CDK14: variants seen among roughly 807,000 people sequenced by gnomAD.
CDK14 encodes the protein cyclin-dependent kinase 14.
CDK14 carries 34 observed loss-of-function variants against 60.7 expected under a neutral mutation model. That is an observed-to-expected ratio of 0.56 (90% CI 0.43 to 0.75). The LOEUF is 0.75. Ranked by LOEUF, CDK14 falls within the 30% of genes least tolerant of loss-of-function variation. The probability of loss-of-function intolerance (pLI) is 0.00; values close to 1 mark genes in which losing one functional copy is unlikely to be tolerated. For synonymous variants in CDK14, 197 were observed against 203.7 expected (o/e 0.97, Z 0.28); for missense variants, 482 against 564.1 (o/e 0.85, Z 1.47).
intron 8 of CDK14, among the ~76,000 whole-genome samples, chr7:90,923,143 C>G (rs1236845781): frequency 2.2e-5 from 3 of 137,112 alleles, no homozygotes; most frequent in Non-Finnish European, 4.6e-5. Flanking sequence ...GAGTCTTGCT[C>G]TGTCACCCAG....
At chr7:91,202,857 G>A (rs1756617084) in intron 14 of CDK14, among the ~76,000 whole-genome samples, 1 of 152,248 alleles carries the variant, frequency 6.6e-6, no homozygotes, top group African/African-American at 2.4e-5. Flanking sequence ...TGTGTTCACT[G>A]TTTATTATCC....
At chr7:90,816,092 A>G (rs932255426) in intron 5 of CDK14, among the ~76,000 whole-genome samples, 1 of 152,240 alleles carries the variant, frequency 6.6e-6, no homozygotes, top group African/African-American at 2.4e-5. Flanking sequence ...TTTTAAAAAA[A>G]GGGCCATAGT....
At chr7:90,942,415 ATGGGT>A (rs1331224116) in intron 8 of CDK14, among the ~76,000 whole-genome samples, 3 of 152,188 alleles carry the variant, frequency 2.0e-5, no homozygotes, top group South Asian at 4.1e-4. Flanking sequence ...AGAAGAAGAA[ATGGGT>A]TGAGAAATTT....
At chr7:90,636,978 A>G (rs985522524) in intron 2 of CDK14, among the ~76,000 whole-genome samples, 31 of 151,130 alleles carry the variant, frequency 2.1e-4, no homozygotes, top group African/African-American at 6.1e-4. Flanking sequence ...ATCGGTGGTG[A>G]TATCCCCTTT....
intron 9 of CDK14, among the ~76,000 whole-genome samples, chr7:90,960,234 A>G (rs1046545245): frequency 6.6e-6 from 1 of 152,188 alleles, no homozygotes; most frequent in Admixed American, 6.6e-5. Flanking sequence ...TGATTATCTC[A>G]TCAAGACCAC....
chr7:90,758,120 A>G (rs1804158998), intron 4 of CDK14, among the ~76,000 whole-genome samples: 1 of 152,236 alleles, frequency 6.6e-6, no homozygotes, highest in Admixed American at 6.5e-5. Flanking sequence ...CCCTGTTCAC[A>G]TCAACATACA....
At position 90,619,649 on chromosome 7, in the gene CDK14, C is replaced by T. The variant is rs183226228; in HGVS notation, c.123+15400C>T. 2.0e-5 allele frequency among the ~76,000 whole-genome samples: 3 copies of T among 152,050 alleles called. No individual in the cohort carries two copies. In the East Asian group the frequency reaches 5.8e-4, roughly 29 times the overall value. ...AAGCTTGCTGTGTGAGAGAACTGAC[C>T]GTTATGTTTAATTATTTGAAGGCTG... On this transcript the variant is annotated intron_variant, in intron 2 of 14. Transcript: ENST00000380050.
At chr7:90,814,391 A>G (rs1789264818) in intron 5 of CDK14, among the ~76,000 whole-genome samples, 1 of 152,196 alleles carries the variant, frequency 6.6e-6, no homozygotes, top group Non-Finnish European at 1.5e-5. Context: ...TTTTTTAAAA[A>G]AATTATCATT....
intron 4 of CDK14, among the ~76,000 whole-genome samples, chr7:90,790,101 CTT>C (rs35790878): frequency 2.8e-5 from 4 of 143,228 alleles, no homozygotes; most frequent in Admixed American, 7.0e-5. Context: ...GAATTTTTTC[CTT>C]TTTTTTTTTT....
intron 5 of CDK14, among the ~76,000 whole-genome samples, chr7:90,808,457 C>G (rs1788950827): frequency 6.6e-6 from 1 of 152,286 alleles, no homozygotes; most frequent in South Asian, 2.1e-4. Flanking sequence ...ACAAGAGACC[C>G]TGAAGGAAGC....
rs537850706 is a variant in CDK14, at chr7:90,991,722, A to G, written c.1041+7481A>G. ...CCCAAAAGTGTAAGAGTCAACACAG[A>G]AAACACACATGGGTTTATTAAGAAA... On this transcript the variant is annotated intron_variant, in intron 10 of 14. Coordinates refer to ENST00000380050, the MANE Select transcript of CDK14 (RefSeq NM_001287135.2). Among the ~76,000 whole-genome samples, 22 of 152,302 alleles carry G rather than the reference A, an allele frequency of 1.4e-4. No homozygotes were observed. In the South Asian group the frequency reaches 4.4e-3, roughly 30 times the overall value.
intron 10 of CDK14, among the ~76,000 whole-genome samples, chr7:91,026,841 C>CCAAA (rs1715781832): frequency 6.6e-6 from 1 of 152,122 alleles, no homozygotes; most frequent in Admixed American, 6.5e-5. Context: ...AATTCCCTGC[C>CCAAA]CAAACTATTA....
chr7:90,997,057 T>G (rs1196148200), intron 10 of CDK14, among the ~76,000 whole-genome samples: 1 of 152,242 alleles, frequency 6.6e-6, no homozygotes, highest in Non-Finnish European at 1.5e-5. Flanking sequence ...TCAAAATATA[T>G]GAAATGTTCC....
At chr7:90,728,211 G>A (rs527324599) in intron 3 of CDK14, among the ~76,000 whole-genome samples, 2 of 151,686 alleles carry the variant, frequency 1.3e-5, no homozygotes, top group African/African-American at 4.8e-5. Context: ...TTCATCCCTG[G>A]TGTCATCCTT....
At chr7:91,177,779 A>T (rs1379883008) in intron 14 of CDK14, among the ~76,000 whole-genome samples, 1 of 137,938 alleles carries the variant, frequency 7.2e-6, no homozygotes, top group African/African-American at 2.7e-5. Flanking sequence ...CTTCAAGGAG[A>T]ACTACAAACC....
chr7:91,097,720 G>A (rs1799036240), intron 12 of CDK14, among the ~76,000 whole-genome samples: 1 of 152,152 alleles, frequency 6.6e-6, no homozygotes, highest in Non-Finnish European at 1.5e-5. Flanking sequence ...TGCTCCTCCT[G>A]TCTGAACCTC....
At chr7:91,071,024 C>A (rs1016969940) in intron 11 of CDK14, among the ~76,000 whole-genome samples, 1 of 151,968 alleles carries the variant, frequency 6.6e-6, no homozygotes, top group East Asian at 1.9e-4. Flanking sequence ...TGATTTTTAC[C>A]GAATCCTGGC....
At chr7:90,851,213 G>A (rs1258388122) in intron 5 of CDK14, among the ~76,000 whole-genome samples, 1 of 152,126 alleles carries the variant, frequency 6.6e-6, no homozygotes, top group Non-Finnish European at 1.5e-5. Context: ...ATAAAGGGTT[G>A]GATTGGTGTG....
intron 10 of CDK14, among the ~76,000 whole-genome samples, chr7:91,003,514 A>G (rs802386): frequency 0.89 from 135,095 of 152,244 alleles, 60,411 homozygotes; most frequent in Non-Finnish European, 0.95. Flanking sequence ...GCAAGCTGGT[A>G]GATGGATGGG....
Sources: allele counts gnomAD v4.1 joint callset (sites outside exome capture counted in the v4.1 genomes callset), GRCh38; gene constraint gnomAD v4.1.1; transcripts MANE v1.5; gene names NCBI Gene and HGNC (gene_info 2026-07-23, HGNC 2026-07-21).